The following TRPM3 variants were observed in gnomAD, a reference collection of about 807,000 sequenced individuals.
TRPM3 encodes the protein transient receptor potential cation channel subfamily M member 3.
TRPM3 carries 77 observed loss-of-function variants against 181.2 expected under a neutral mutation model. The observed-to-expected ratio is 0.42, with a 90% CI of 0.35 to 0.51. The LOEUF is 0.51. Among genes scored for constraint, TRPM3 ranks in the 20% least tolerant of loss-of-function variants. The pLI is 0.01. For synonymous variants in TRPM3, 745 were observed against 796.4 expected (o/e 0.94, Z 1.09); for missense variants, 1,759 against 2,196.7 (o/e 0.80, Z 3.98).
chr9:70,804,135 A>G (rs966210299), intron 6 of TRPM3, among the ~76,000 whole-genome samples: 1 of 152,054 alleles, frequency 6.6e-6, no homozygotes, highest in Admixed American at 6.5e-5. Context: ...GTTCGAGATC[A>G]GCCTGACCAA....
At chr9:71,199,602 G>A (rs1266685350) in intron 1 of TRPM3, among the ~76,000 whole-genome samples, 1 of 152,168 alleles carries the variant, frequency 6.6e-6, no homozygotes, top group Admixed American at 6.5e-5. Flanking sequence ...TTAGTCTTGG[G>A]AGAGTGTATG....
chr9:70,941,242 G>A (rs1239587757), intron 1 of TRPM3, among the ~76,000 whole-genome samples: 1 of 152,218 alleles, frequency 6.6e-6, no homozygotes, highest in Non-Finnish European at 1.5e-5. Context: ...CTAGCATAAA[G>A]CAGGCAGGAG....
At chr9:70,938,974 A>C (rs552063587) in intron 1 of TRPM3, among the ~76,000 whole-genome samples, 39 of 151,922 alleles carry the variant, frequency 2.6e-4, no homozygotes, top group African/African-American at 9.4e-4. Flanking sequence ...AAAAATAAAA[A>C]TAAAAAATAA....
At chr9:71,380,564 T>C (rs146869007) in intron 1 of TRPM3, among the ~76,000 whole-genome samples, 2 of 152,196 alleles carry the variant, frequency 1.3e-5, no homozygotes, top group East Asian at 1.9e-4. Context: ...TCTAACCTAC[T>C]TCTTTTTAGG....
At chr9:71,223,116 C>A (rs1310786281) in intron 1 of TRPM3, among the ~76,000 whole-genome samples, 1 of 152,098 alleles carries the variant, frequency 6.6e-6, no homozygotes, top group Admixed American at 6.5e-5. Flanking sequence ...TTCCACTCCT[C>A]CCCCCAAACC....
chr9:70,849,818 T>A (rs963794792), intron 3 of TRPM3, among the ~76,000 whole-genome samples: 1 of 152,168 alleles, frequency 6.6e-6, no homozygotes, highest in Non-Finnish European at 1.5e-5. Flanking sequence ...TATAAGATTA[T>A]CCAGGAGATG....
chr9:70,624,877 A>G (rs2064258432), intron 14 of TRPM3, among the ~76,000 whole-genome samples: 1 of 152,204 alleles, frequency 6.6e-6, no homozygotes, highest in African/African-American at 2.4e-5. Context: ...AATGGATTAA[A>G]TATTTTTAGA....
At chr9:70,752,025 TGTGTGTGTGTGTGTGTGTGTGTGTGCGC>T (rs1587833799) in intron 8 of TRPM3, among the ~76,000 whole-genome samples, 2 of 119,120 alleles carry the variant, frequency 1.7e-5, no homozygotes, top group Admixed American at 8.2e-5. Context: ...TGTGTGTGTG[TGTGTGTGTGTGTGTGTGTGTGTGTGCGC>T]GCGCGCGCGC....
At chr9:71,168,510 CTTTT>C (rs386415035) in intron 1 of TRPM3, among the ~76,000 whole-genome samples, 1 of 90,640 alleles carries the variant, frequency 1.1e-5, no homozygotes, top group African/African-American at 4.2e-5. Flanking sequence ...TGACATTTTT[CTTTT>C]TTTTTTTTTT....
intron 8 of TRPM3, among the ~76,000 whole-genome samples, chr9:70,694,752 T>C (rs948989080): frequency 1.3e-5 from 2 of 152,244 alleles, no homozygotes; most frequent in Non-Finnish European, 2.9e-5. Context: ...AGTGCTGGGA[T>C]TACAGGCGTA....
At chr9:70,629,215 C>CGGGAG (rs2065250202) in intron 12 of TRPM3, among the ~76,000 whole-genome samples, 1 of 10,162 alleles carries the variant, frequency 9.8e-5, no homozygotes, top group African/African-American at 2.1e-4. Context: ...TGACCAGTGC[C>CGGGAG]GGGGGGGGGG....
chr9:70,535,661 T>G lies in TRPM3; in HGVS notation c.*292A>C. 2 of 1,442,134 alleles carry G rather than the reference T, an allele frequency of 1.4e-6. No individual in the cohort carries two copies. Among genetic ancestry groups the G allele is most frequent in the Non-Finnish European group, 1.8e-6 (2 of 1,105,856 alleles). 89.3% of individuals were successfully genotyped at this position (1,442,134 alleles called of 1,614,324 possible). ...TTCCCCTGCTCTCATGGCTTTCTGC[T>G]GTGACTGCGGATACACATTCATCTC... On this transcript the variant is annotated 3_prime_UTR_variant, in exon 26 of 26. Coordinates refer to ENST00000677713, the MANE Select transcript of TRPM3 (RefSeq NM_001366145.2).
intron 1 of TRPM3, among the ~76,000 whole-genome samples, chr9:70,985,731 T>G: frequency 6.6e-6 from 1 of 152,266 alleles, no homozygotes; most frequent in East Asian, 1.9e-4. Context: ...AGATATAATC[T>G]CTGCACTCAT....
At chr9:70,999,645 A>T (rs1008244974) in intron 1 of TRPM3, among the ~76,000 whole-genome samples, 2 of 152,150 alleles carry the variant, frequency 1.3e-5, no homozygotes, top group African/African-American at 4.8e-5. Flanking sequence ...AATTGCCATT[A>T]TTTTTGGCAA....
chr9:71,324,332 A>G (rs996802658), intron 1 of TRPM3, among the ~76,000 whole-genome samples: 3 of 152,170 alleles, frequency 2.0e-5, no homozygotes, highest in Non-Finnish European at 4.4e-5. Flanking sequence ...CAAAGCTATC[A>G]GTATTTTCAA....
At chr9:70,866,928 C>T (rs2095661921) in intron 1 of TRPM3, among the ~76,000 whole-genome samples, 1 of 151,988 alleles carries the variant, frequency 6.6e-6, no homozygotes. Flanking sequence ...AACAGTCTGG[C>T]TTCAGAGTTC....
rs117960195 is a variant in TRPM3 at position 71,033,792 on chromosome 9, G to A, written c.177+87386C>T. 5.0e-3 allele frequency among the ~76,000 whole-genome samples: 766 copies of A among 152,124 alleles called. 20 individuals carry two copies. The East Asian group carries it at 0.078, about 16-fold the overall frequency. ...GAATTTTTATTTGATAATAATTTGCGTGCATTCATTTGTTCAGTTTCTAAC... is the reference window on the plus strand; with the variant it reads ...GAATTTTTATTTGATAATAATTTGCATGCATTCATTTGTTCAGTTTCTAAC... On this transcript the variant is annotated intron_variant, in intron 1 of 25. Transcript: ENST00000677713.
intron 22 of TRPM3, among the ~76,000 whole-genome samples, chr9:70,554,649 A>G (rs1411267886): frequency 6.6e-6 from 1 of 152,176 alleles, no homozygotes; most frequent in Non-Finnish European, 1.5e-5. Flanking sequence ...AAAACTTTCT[A>G]GGTAATTCTC....
intron 20 of TRPM3, 149 bp from the exon 21 acceptor site, chr9:70,598,819 C>T (rs4744607): frequency 0.78 from 689,842 of 888,190 alleles, 269,465 homozygotes; most frequent in Admixed American, 0.85. Flanking sequence ...AAAAGTCCGA[C>T]TGAGCTAAGC....
Sources: gnomAD v4.1 joint callset for allele counts (sites outside exome capture counted in the v4.1 genomes callset) on GRCh38, gnomAD v4.1.1 for gene constraint, MANE v1.5 for transcripts, NCBI Gene and HGNC (gene_info 2026-07-23, HGNC 2026-07-21) for gene names.